FMNL2: variants seen among roughly 807,000 people sequenced by gnomAD.
FMNL2 encodes formin like 2.
In FMNL2, 51 loss-of-function variants were observed where a neutral mutation model predicts 130.2. The observed-to-expected ratio is 0.39, with a 90% CI of 0.31 to 0.49. The LOEUF is 0.49. Among genes scored for constraint, FMNL2 ranks in the 20% least tolerant of loss-of-function variants. FMNL2 has a pLI of 0.85. For missense variants in FMNL2, 977 were observed against 1,316.2 expected, an observed-to-expected ratio of 0.74 and a Z score of 3.99; for synonymous variants, 465 against 467.1, an observed-to-expected ratio of 1.00 and a Z score of 0.06.
intron 6 of FMNL2, among the ~76,000 whole-genome samples, chr2:152,566,023 C>T (rs1206033917): frequency 6.6e-6 from 1 of 152,180 alleles, no homozygotes; most frequent in African/African-American, 2.4e-5. Flanking sequence ...TCAAACAGTC[C>T]TCCTGCTCAG....
intron 3 of FMNL2, among the ~76,000 whole-genome samples, chr2:152,546,425 G>A (rs1694639313): frequency 6.6e-6 from 1 of 152,002 alleles, no homozygotes; most frequent in South Asian, 2.1e-4. Context: ...GATCTCACAG[G>A]AACTCTTAGG....
At chr2:152,474,734 G>T (rs954126355) in intron 1 of FMNL2, among the ~76,000 whole-genome samples, 1 of 151,924 alleles carries the variant, frequency 6.6e-6, no homozygotes, top group African/African-American at 2.4e-5. Flanking sequence ...CTTATTTCAC[G>T]TACCTGTTTA....
chr2:152,632,205 C>T, intron 21 of FMNL2, 68 bp downstream of exon 21: 1 of 1,550,356 alleles, frequency 6.5e-7, no homozygotes, highest in Non-Finnish European at 8.7e-7. Context: ...GGAGCCATTC[C>T]CTGCTTAAAC....
chr2:152,371,987 CT>C (rs1683912529), intron 1 of FMNL2, among the ~76,000 whole-genome samples: 1 of 152,142 alleles, frequency 6.6e-6, no homozygotes, highest in African/African-American at 2.4e-5. Flanking sequence ...AATTCCCTTT[CT>C]TTATAAATTA....
At chr2:152,511,755 G>A (rs995707220) in intron 1 of FMNL2, among the ~76,000 whole-genome samples, 1 of 152,146 alleles carries the variant, frequency 6.6e-6, no homozygotes, top group African/African-American at 2.4e-5. Flanking sequence ...GGGAATTACA[G>A]ATATGTTGCT....
In FMNL2 at chr2:152,619,553, C is replaced by CCAT; in HGVS notation, c.1673_1674insATC (p.Pro558_Pro559insSer). The CCAT allele has an allele frequency of 1.5e-6, 2 of 1,360,168 alleles. No homozygotes were observed. Among genetic ancestry groups the CCAT allele is most frequent in the South Asian group, 1.3e-5 (1 of 77,910 alleles). 84.3% of individuals were successfully genotyped at this position (1,360,168 alleles called of 1,614,324 possible). ...ACCACCTATGCCACCGCCGCCGCCG[C>CCAT]CCCCTCCTCCACCTCCTCCTCCCCC... On this transcript the variant is annotated inframe_insertion, in exon 15 of 26. Coordinates refer to ENST00000288670, the MANE Select transcript of FMNL2 (RefSeq NM_052905.4).
chr2:152,580,837 A>C, intron 8 of FMNL2, 119 bp from the exon 9 acceptor site: 1 of 883,282 alleles, frequency 1.1e-6, no homozygotes, highest in Middle Eastern at 2.3e-4. Context: ...GTACCTTAGT[A>C]AAATTTTTTA....
intron 1 of FMNL2, among the ~76,000 whole-genome samples, chr2:152,353,558 T>TAACAAAA (rs1482011509): frequency 2.0e-5 from 3 of 152,210 alleles, no homozygotes; most frequent in Non-Finnish European, 4.4e-5. Context: ...GTTTATGATC[T>TAACAAAA]TGGACTTTGG....
chr2:152,497,202 C>A lies in FMNL2; in HGVS notation c.118-24741C>A, dbSNP rs191518196. The stretch of plus-strand genomic sequence containing the variant: ...ATGTGAGAAACCTGGTTGTCATTAT[C>A]CACAATGTGTTTACTTATTTGTGCA... On this transcript the variant is annotated intron_variant, in intron 1 of 25. Coordinates refer to ENST00000288670, the MANE Select transcript of FMNL2 (RefSeq NM_052905.4). 2.7e-3 allele frequency among the ~76,000 whole-genome samples: 414 copies of A among 152,220 alleles called. 7 individuals are homozygous for A. Among genetic ancestry groups the A allele is most frequent in the Non-Finnish European group, 7.1e-4 (48 of 68,016 alleles).
rs183435956 is a variant in FMNL2 at position 152,348,116 on chromosome 2, A to G, written c.117+12396A>G. Among the ~76,000 whole-genome samples, 4 of 152,188 alleles carry G rather than the reference A, an allele frequency of 2.6e-5. No individual in the cohort carries two copies. The East Asian group carries it at 7.7e-4, about 29-fold the overall frequency. On this transcript the variant is annotated intron_variant, in intron 1 of 25. Transcript: ENST00000288670. The stretch of plus-strand genomic sequence containing the variant: ...CCACTTTTTCCGAGGGTCCTTACAG[A>G]CCCACGTCAGCATGGGGGTGATGAG...
chr2:152,641,301 C>G (rs1461572396), intron 25 of FMNL2, among the ~76,000 whole-genome samples: 1 of 152,224 alleles, frequency 6.6e-6, no homozygotes, highest in Admixed American at 6.5e-5. Flanking sequence ...AGCCTCTTTA[C>G]TCATTCAAAG....
intron 1 of FMNL2, among the ~76,000 whole-genome samples, chr2:152,382,009 G>C (rs1362265065): frequency 1.3e-5 from 2 of 152,060 alleles, no homozygotes; most frequent in Admixed American, 6.5e-5. Flanking sequence ...ATGTTGCCCA[G>C]GCAGGTCTTG....
chr2:152,401,065 A>G (rs1685667281), intron 1 of FMNL2, among the ~76,000 whole-genome samples: 1 of 152,248 alleles, frequency 6.6e-6, no homozygotes. Flanking sequence ...AAACAGTTTC[A>G]TGTACTAGGA....
At chr2:152,571,123 G>A (rs998763032) in intron 6 of FMNL2, among the ~76,000 whole-genome samples, 1 of 152,144 alleles carries the variant, frequency 6.6e-6, no homozygotes, top group Non-Finnish European at 1.5e-5. Context: ...GCAGCCTCTG[G>A]CAGGGGCAGG....
At chr2:152,546,940 C>G (rs187308286) in intron 3 of FMNL2, among the ~76,000 whole-genome samples, 2 of 149,092 alleles carry the variant, frequency 1.3e-5, no homozygotes, top group African/African-American at 2.5e-5. Flanking sequence ...ATTACTTGCC[C>G]CCATTCTTTT....
intron 18 of FMNL2, among the ~76,000 whole-genome samples, chr2:152,629,208 G>C (rs1401763132): frequency 2.0e-5 from 3 of 152,158 alleles, no homozygotes; most frequent in Non-Finnish European, 4.4e-5. Context: ...TATGTCTGTT[G>C]AAAACATGTT....
chr2:152,367,689 T>C (rs1683637347), intron 1 of FMNL2, among the ~76,000 whole-genome samples: 1 of 152,202 alleles, frequency 6.6e-6, no homozygotes, highest in Admixed American at 6.5e-5. Context: ...TCCAGGAAGC[T>C]GACTGAGCAC....
rs1683826002 is a variant in FMNL2 at position 152,648,712 on chromosome 2, A to C, written c.*807A>C. 1.3e-5 allele frequency: 2 copies of C among 152,768 alleles called. No homozygotes were observed. Among genetic ancestry groups the C allele is most frequent in the East Asian group, 1.9e-4 (1 of 5,190 alleles). 9.5% of individuals were successfully genotyped at this position (152,768 alleles called of 1,614,324 possible). ...AAATTGGTGCCTTGCAAGGAAGTTT[A>C]CTAGCTCTATCAACAAGCATTCAAG... On this transcript the variant is annotated 3_prime_UTR_variant, in exon 26 of 26. Transcript: ENST00000288670.
chr2:152,393,989 G>A (rs1335385481), intron 1 of FMNL2, among the ~76,000 whole-genome samples: 1 of 152,156 alleles, frequency 6.6e-6, no homozygotes, highest in East Asian at 1.9e-4. Flanking sequence ...TAGCTCACGG[G>A]CTGTAGAAGA....
Sources: gnomAD v4.1 joint callset for allele counts (sites outside exome capture counted in the v4.1 genomes callset) on GRCh38, gnomAD v4.1.1 for gene constraint, MANE v1.5 for transcripts, NCBI Gene and HGNC (gene_info 2026-07-23, HGNC 2026-07-21) for gene names.